SCN3A: variants seen among roughly 807,000 people sequenced by gnomAD.
SCN3A encodes sodium voltage-gated channel alpha subunit 3.
In SCN3A, 60 loss-of-function variants were observed where a neutral mutation model predicts 187.6. The ratio of observed to expected loss-of-function variants is 0.32; its 90% CI spans 0.26 to 0.40. The LOEUF is 0.40. SCN3A is among the 10% of genes least tolerant of loss of function. The pLI is 1.00. For missense variants in SCN3A, 1,601 were observed against 2,428.2 expected (o/e 0.66, Z 7.16); for synonymous variants, 788 against 829.2 (o/e 0.95, Z 0.85).
At position 165,158,867 on chromosome 2, in the gene SCN3A, C is replaced by T. The variant is rs1266894760; in HGVS notation, c.1032-2964G>A. 5.1e-5 allele frequency among the ~76,000 whole-genome samples: 7 copies of T among 137,568 alleles called. 2 individuals carry two copies. Among genetic ancestry groups the T allele is most frequent in the African/African-American group, 2.1e-4 (7 of 33,822 alleles). 90.2% of individuals were successfully genotyped at this position (137,568 alleles called of 152,430 possible). On this transcript the variant is annotated intron_variant, in intron 9 of 27. Coordinates refer to ENST00000283254, the MANE Select transcript of SCN3A (RefSeq NM_006922.4). Reference sequence around the variant, plus strand: ...CATTGAAGGGCATCTTGGTTACTTCCAGTTTGGGGTCATTATGAATACAGC... The same window carrying T: ...CATTGAAGGGCATCTTGGTTACTTCTAGTTTGGGGTCATTATGAATACAGC...
chr2:165,155,974 G>C lies in SCN3A; in HGVS notation c.1032-71C>G, dbSNP rs1286196262. 7.5e-6 allele frequency: 12 copies of C among 1,594,614 alleles called. No homozygotes were observed. In the South Asian group the frequency reaches 7.7e-5, roughly 10 times the overall value. The stretch of plus-strand genomic sequence containing the variant: ...CAATTTCAATTTATTTGACTTATAG[G>C]AATTTTCAAAACCCAAAGCTGCTAT... On this transcript the variant is annotated intron_variant, in intron 9 of 27. Coordinates refer to ENST00000283254, the MANE Select transcript of SCN3A (RefSeq NM_006922.4).
intron 10 of SCN3A, 92 bp downstream of exon 10, chr2:165,155,670 G>T: frequency 6.9e-7 from 1 of 1,450,120 alleles, no homozygotes; most frequent in Non-Finnish European, 9.6e-7. Flanking sequence ...AAGTGCTAGG[G>T]TTACAGGCAT....
intron 17 of SCN3A, 129 bp downstream of exon 17, chr2:165,129,811 A>G: frequency 8.8e-7 from 1 of 1,133,954 alleles, no homozygotes; most frequent in Non-Finnish European, 1.3e-6. Flanking sequence ...TTATTCTCTG[A>G]GTGCTAATAG....
At chr2:165,112,759 A>T in intron 21 of SCN3A, 126 bp downstream of exon 21, 1 of 811,976 alleles carries the variant, frequency 1.2e-6, no homozygotes, top group Non-Finnish European at 2.0e-6. Context: ...TGCATATGTT[A>T]CAGTTTTGTT....
chr2:165,150,952 G>A (rs1183075922), intron 11 of SCN3A, among the ~76,000 whole-genome samples: 4 of 151,866 alleles, frequency 2.6e-5, no homozygotes, highest in South Asian at 2.1e-4. Flanking sequence ...TATTATAAAT[G>A]TGTTTTATTT....
intron 20 of SCN3A, 103 bp from the exon 21 acceptor site, chr2:165,113,161 A>G: frequency 2.3e-6 from 2 of 856,466 alleles, no homozygotes; most frequent in Non-Finnish European, 3.7e-6. Context: ...TAATTTGATT[A>G]TTGATATTTT....
chr2:165,181,825 A>G (rs1041933957), intron 2 of SCN3A, among the ~76,000 whole-genome samples: 4 of 152,236 alleles, frequency 2.6e-5, no homozygotes, highest in South Asian at 2.1e-4. Context: ...AGGACACTTC[A>G]GTATGCAGTC....
chr2:165,129,613 G>C (rs1281305255), intron 17 of SCN3A, among the ~76,000 whole-genome samples: 1 of 152,082 alleles, frequency 6.6e-6, no homozygotes, highest in Non-Finnish European at 1.5e-5. Context: ...ACAATATTAG[G>C]ATACAATTCT....
chr2:165,106,145 A>G (rs1200706770), intron 21 of SCN3A, among the ~76,000 whole-genome samples: 1 of 152,182 alleles, frequency 6.6e-6, no homozygotes, highest in Admixed American at 6.5e-5. Context: ...ACTGGTGACT[A>G]CAATATGGTA....
At chr2:165,164,586 C>T in intron 5 of SCN3A, 66 bp from the exon 6 acceptor site, 1 of 1,545,260 alleles carries the variant, frequency 6.5e-7, no homozygotes, top group Non-Finnish European at 8.9e-7. Flanking sequence ...TGTTTTCAAT[C>T]ATAGCAAATC....
intron 21 of SCN3A, among the ~76,000 whole-genome samples, chr2:165,103,243 G>A (rs949954097): frequency 3.3e-5 from 5 of 152,248 alleles, no homozygotes; most frequent in Non-Finnish European, 7.4e-5. Context: ...CATTGGTAGG[G>A]TGCTTTACAA....
At chr2:165,113,188 T>C (rs1686203939) in intron 20 of SCN3A, 130 bp from the exon 21 acceptor site, 1 of 712,696 alleles carries the variant, frequency 1.4e-6, no homozygotes, top group Non-Finnish European at 2.4e-6. Flanking sequence ...ACATTGAACA[T>C]CAGACAAAAT....
chr2:165,129,560 T>G (rs1274105890), intron 17 of SCN3A, among the ~76,000 whole-genome samples: 1 of 152,232 alleles, frequency 6.6e-6, no homozygotes, highest in Non-Finnish European at 1.5e-5. Flanking sequence ...ATAGAATAGA[T>G]AGTTGTCTTT....
intron 19 of SCN3A, among the ~76,000 whole-genome samples, chr2:165,115,236 A>ATT (rs35605491): frequency 8.9e-5 from 13 of 145,668 alleles, no homozygotes; most frequent in South Asian, 2.2e-4. Context: ...TTCTTTCTTT[A>ATT]TTTTTTTTTT....
At chr2:165,147,371 C>G (rs1223519990) in intron 11 of SCN3A, among the ~76,000 whole-genome samples, 2 of 151,544 alleles carry the variant, frequency 1.3e-5, no homozygotes, top group Non-Finnish European at 2.9e-5. Context: ...GGTTGCTTAT[C>G]TAACTACCAT....
At chr2:165,161,429 C>G (rs1387139866) in intron 9 of SCN3A, among the ~76,000 whole-genome samples, 1 of 151,998 alleles carries the variant, frequency 6.6e-6, no homozygotes, top group Non-Finnish European at 1.5e-5. Context: ...ACAACCTATG[C>G]TCTTACCCCC....
At chr2:165,169,826 A>G (rs1689997866) in intron 4 of SCN3A, among the ~76,000 whole-genome samples, 1 of 151,882 alleles carries the variant, frequency 6.6e-6, no homozygotes. Context: ...CCTTTTACAT[A>G]TGCTTTTTGA....
chr2:165,162,932 T>C, intron 7 of SCN3A, 104 bp from the exon 8 acceptor site: 2 of 1,370,616 alleles, frequency 1.5e-6, no homozygotes, highest in Non-Finnish European at 2.1e-6. Flanking sequence ...TGCTTGACTA[T>C]TTAGACACCA....
chr2:165,135,606 T>A (rs1274894921), intron 15 of SCN3A, among the ~76,000 whole-genome samples: 1 of 152,124 alleles, frequency 6.6e-6, no homozygotes, highest in Non-Finnish European at 1.5e-5. Context: ...TCTTTCTCTC[T>A]CACATGCTCT....
Sources: allele counts gnomAD v4.1 joint callset (sites outside exome capture counted in the v4.1 genomes callset), GRCh38; gene constraint gnomAD v4.1.1; transcripts MANE v1.5; gene names NCBI Gene and HGNC (gene_info 2026-07-23, HGNC 2026-07-21).